The following DNER variants were observed in gnomAD, a reference collection of about 807,000 sequenced individuals.
The protein encoded by DNER is delta/notch like EGF repeat containing.
Under a neutral mutation model 78.2 loss-of-function variants are expected in DNER, and 33 were observed. The ratio of observed to expected loss-of-function variants is 0.42; its 90% CI spans 0.32 to 0.56. The LOEUF is 0.56. Among genes scored for constraint, DNER ranks in the 20% least tolerant of loss-of-function variants. DNER has a pLI of 0.11. For synonymous variants in DNER, 417 were observed against 384.8 expected, an observed-to-expected ratio of 1.08 and a Z score of -0.98; for missense variants, 918 against 975.3, an observed-to-expected ratio of 0.94 and a Z score of 0.78.
intron 6 of DNER, among the ~76,000 whole-genome samples, chr2:229,488,659 T>C (rs1478433292): frequency 6.6e-6 from 1 of 152,250 alleles, no homozygotes; most frequent in Non-Finnish European, 1.5e-5. Context: ...TGTTCCTTCT[T>C]TCCTTTTGAT....
At chr2:229,427,379 T>C (rs1369899971) in intron 8 of DNER, among the ~76,000 whole-genome samples, 1 of 152,226 alleles carries the variant, frequency 6.6e-6, no homozygotes, top group Non-Finnish European at 1.5e-5. Flanking sequence ...AGTCAACAAA[T>C]AGTTATTCAA....
In DNER at chr2:229,381,156, G is replaced by A. The variant is rs187123041; in HGVS notation, c.1855+7109C>T. 3.3e-5 allele frequency among the ~76,000 whole-genome samples: 5 copies of A among 152,084 alleles called. No individual in the cohort carries two copies. In the East Asian group the frequency reaches 5.8e-4, roughly 18 times the overall value. The stretch of plus-strand genomic sequence containing the variant: ...AGCAGGATGGGGTGTCGCCTCACCC[G>A]GGAAACACAAGGGGTCAAGAAACTC... On this transcript the variant is annotated intron_variant, in intron 11 of 12. Coordinates refer to ENST00000341772, the MANE Select transcript of DNER (RefSeq NM_139072.4).
chr2:229,527,300 T>A (rs1410147285), intron 5 of DNER, among the ~76,000 whole-genome samples: 1 of 152,116 alleles, frequency 6.6e-6, no homozygotes, highest in Non-Finnish European at 1.5e-5. Context: ...TGTGCACATA[T>A]CTGACGATTC....
intron 12 of DNER, among the ~76,000 whole-genome samples, chr2:229,360,616 G>A (rs1454252574): frequency 6.6e-6 from 1 of 152,108 alleles, no homozygotes; most frequent in Non-Finnish European, 1.5e-5. Flanking sequence ...GTTTCACTGT[G>A]TTAGCCAGGA....
chr2:229,621,569 T>C (rs977789597), intron 1 of DNER, among the ~76,000 whole-genome samples: 2 of 141,074 alleles, frequency 1.4e-5, no homozygotes, highest in African/African-American at 5.1e-5. Context: ...TGCCCTTTGG[T>C]TTTTTTTTTA....
intron 1 of DNER, among the ~76,000 whole-genome samples, chr2:229,654,203 G>C (rs181597379): frequency 6.6e-6 from 1 of 151,940 alleles, no homozygotes; most frequent in Non-Finnish European, 1.5e-5. Flanking sequence ...CTATGAGTGA[G>C]AACATATGGT....
At chr2:229,419,529 T>C (rs1436730626) in intron 8 of DNER, among the ~76,000 whole-genome samples, 11 of 152,244 alleles carry the variant, frequency 7.2e-5, no homozygotes. Flanking sequence ...AACATGCTAA[T>C]ATGTTGAACT....
chr2:229,598,904 A>G (rs6751880), intron 1 of DNER, among the ~76,000 whole-genome samples: 55,334 of 151,876 alleles, frequency 0.36, 10,254 homozygotes, highest in East Asian at 0.5. Context: ...TGAAGACTTA[A>G]GATTCTATTG....
At chr2:229,636,516 G>A (rs1027706739) in intron 1 of DNER, among the ~76,000 whole-genome samples, 2 of 152,174 alleles carry the variant, frequency 1.3e-5, no homozygotes, top group Non-Finnish European at 1.5e-5. Flanking sequence ...CAAGTCCTGC[G>A]TCTTACTGAC....
intron 5 of DNER, among the ~76,000 whole-genome samples, chr2:229,514,663 T>C (rs4973212): frequency 0.3 from 45,046 of 152,044 alleles, 7,711 homozygotes; most frequent in Non-Finnish European, 0.4. Context: ...ATACTTCTAG[T>C]GCCTTCCATT....
chr2:229,431,700 G>A (rs1464461889), intron 8 of DNER, among the ~76,000 whole-genome samples: 1 of 150,946 alleles, frequency 6.6e-6, no homozygotes, highest in Non-Finnish European at 1.5e-5. Flanking sequence ...ACGAGTTAAT[G>A]GGTGCAGCAC....
chr2:229,672,789 T>G (rs116242132), intron 1 of DNER, among the ~76,000 whole-genome samples: 175 of 152,304 alleles, frequency 1.1e-3, no homozygotes, highest in African/African-American at 4.1e-3. Flanking sequence ...GTCACAAGTC[T>G]GCCTGCCCAT....
intron 1 of DNER, among the ~76,000 whole-genome samples, chr2:229,704,626 A>C (rs893651475): frequency 2.0e-5 from 3 of 152,196 alleles, no homozygotes; most frequent in Non-Finnish European, 4.4e-5. Context: ...GCAAAACTAT[A>C]GTGATGGAAA....
chr2:229,558,351 A>C (rs1419229318), intron 4 of DNER, among the ~76,000 whole-genome samples: 1 of 152,186 alleles, frequency 6.6e-6, no homozygotes, highest in African/African-American at 2.4e-5. Context: ...CTATGCAACA[A>C]ACATGCACTT....
At chr2:229,507,892 A>G (rs181086253) in intron 6 of DNER, among the ~76,000 whole-genome samples, 34 of 152,358 alleles carry the variant, frequency 2.2e-4, no homozygotes, top group Non-Finnish European at 4.3e-4. Flanking sequence ...GTAAAGTTTG[A>G]GAAATATAAT....
intron 1 of DNER, among the ~76,000 whole-genome samples, chr2:229,649,149 G>A (rs549868050): frequency 1.8e-4 from 27 of 152,326 alleles, no homozygotes; most frequent in Non-Finnish European, 3.1e-4. Context: ...AGGCCTTGGC[G>A]AGTACTCTCG....
In DNER at chr2:229,620,610, T is replaced by G. The variant is rs150944564; in HGVS notation, c.277-28722A>C. 1.4e-3 allele frequency among the ~76,000 whole-genome samples: 208 copies of G among 152,338 alleles called. 2 individuals carry two copies. The highest frequency in any genetic ancestry group is 4.6e-3 in the African/African-American group (192 of 41,586). ...CAAACGTTCTCTTTTGCTTTCCTGA[T>G]AGAGTTCCCTGCAAATCCTCAGAGA... On this transcript the variant is annotated intron_variant, in intron 1 of 12. Transcript: ENST00000341772.
intron 6 of DNER, among the ~76,000 whole-genome samples, chr2:229,489,174 A>T (rs555696918): frequency 1.3e-5 from 2 of 152,360 alleles, no homozygotes; most frequent in South Asian, 4.1e-4. Context: ...TCACATCGGC[A>T]GCTGTGAGTA....
intron 4 of DNER, among the ~76,000 whole-genome samples, chr2:229,567,061 T>C (rs906038764): frequency 1.3e-5 from 2 of 152,202 alleles, no homozygotes; most frequent in African/African-American, 4.8e-5. Flanking sequence ...TCCTCTAATA[T>C]TATGCACTCC....
Sources: allele counts gnomAD v4.1 joint callset (sites outside exome capture counted in the v4.1 genomes callset), GRCh38; gene constraint gnomAD v4.1.1; transcripts MANE v1.5; gene names NCBI Gene and HGNC (gene_info 2026-07-23, HGNC 2026-07-21).